Variants in TPO observed in about 807,000 individuals in gnomAD.
The protein encoded by TPO is thyroid microsomal antigen.
In TPO, 78 loss-of-function variants were observed where a neutral mutation model predicts 96.9. The observed-to-expected ratio is 0.81, with a 90% CI of 0.67 to 0.97. The LOEUF is 0.97. Ranked by LOEUF, TPO falls within the 50% of genes least tolerant of loss-of-function variation. The pLI, the probability that TPO is intolerant of heterozygous loss-of-function variation, is 0.00. For synonymous variants in TPO, 547 were observed against 538.0 expected (o/e 1.02, Z -0.23); for missense variants, 1,252 against 1,274.8 (o/e 0.98, Z 0.27).
chr2:1,471,065 T>C (rs1427959455), intron 7 of TPO, among the ~76,000 whole-genome samples: 1 of 152,250 alleles, frequency 6.6e-6, no homozygotes, highest in African/African-American at 2.4e-5. Context: ...TTTCCGATGC[T>C]GCACCTATTT....
chr2:1,540,671 A>G lies in TPO; in HGVS notation c.2696A>G (p.His899Arg), dbSNP rs1374618367. 1.9e-6 allele frequency: 3 copies of G among 1,613,394 alleles called. No individual in the cohort carries two copies. In the African/African-American group the frequency reaches 4.0e-5, roughly 22 times the overall value. The change falls in exon 16 of 17, where the codon CAC becomes CGC. Residue 899 changes from histidine to arginine, a missense_variant. Physicochemically the swap from His to Arg is conservative, Grantham distance 29. Transcript: ENST00000329066. The part of the protein sequence containing the change: ...GGTPELRCGK[H>R]QAVGTSPQRA... ...ACTCCCGAGCTGAGATGCGGAAAGC[A>G]CCAGGCCGTAGGGACCTCACCGCAG... is the stretch of plus-strand genomic sequence containing the variant.
chr2:1,402,453 AG>A (rs897075273), intron 1 of TPO, among the ~76,000 whole-genome samples: 3 of 152,280 alleles, frequency 2.0e-5, no homozygotes, highest in Non-Finnish European at 2.9e-5. Context: ...CACGGAGCCA[AG>A]GGGGGTGGGG....
intron 8 of TPO, among the ~76,000 whole-genome samples, chr2:1,482,317 G>T (rs375405183): frequency 1.1e-4 from 17 of 152,214 alleles, no homozygotes; most frequent in Non-Finnish European, 2.1e-4. Context: ...CCACTGGTGA[G>T]TTGTGAAGGC....
intron 10 of TPO, among the ~76,000 whole-genome samples, chr2:1,490,453 G>T (rs1671667339): frequency 6.8e-6 from 1 of 147,910 alleles, no homozygotes; most frequent in African/African-American, 2.5e-5. Flanking sequence ...ACACAGCAGT[G>T]TAAGAGCCGC....
At chr2:1,476,959 C>T in intron 7 of TPO, 127 bp from the exon 8 acceptor site, 1 of 1,236,638 alleles carries the variant, frequency 8.1e-7, no homozygotes, top group Non-Finnish European at 1.1e-6. Context: ...TGGACTGACC[C>T]CTACAGAGGA....
intron 3 of TPO, among the ~76,000 whole-genome samples, chr2:1,428,206 A>G (rs1227246472): frequency 1.3e-5 from 2 of 152,234 alleles, no homozygotes; most frequent in Non-Finnish European, 2.9e-5. Context: ...TTAAAGTAAC[A>G]TGCAGCCCTG....
At chr2:1,395,085 A>G (rs1285332475) in intron 1 of TPO, among the ~76,000 whole-genome samples, 1 of 152,096 alleles carries the variant, frequency 6.6e-6, no homozygotes. Flanking sequence ...CTTTTCCTCC[A>G]TTGCCTGTCA....
chr2:1,499,262 TC>T (rs1248568117), intron 13 of TPO, among the ~76,000 whole-genome samples: 1 of 152,040 alleles, frequency 6.6e-6, no homozygotes, highest in African/African-American at 2.4e-5. Flanking sequence ...CCTCTGACCT[TC>T]CGCCTGGGAC....
chr2:1,498,884 A>G lies in TPO; in HGVS notation c.2386+2119A>G, dbSNP rs576298967. Among the ~76,000 whole-genome samples the G allele has an allele frequency of 2.0e-5, 3 of 152,182 alleles. No individual in the cohort carries two copies. The East Asian group carries it at 5.8e-4, about 29-fold the overall frequency. On this transcript the variant is annotated intron_variant, in intron 13 of 16. Transcript: ENST00000329066. Reference sequence around the variant, plus strand: ...GAGACTGCACAAACTTGAAACGGCCACTTCACTCACGATTCCTGGTTTTCC... The same window carrying G: ...GAGACTGCACAAACTTGAAACGGCCGCTTCACTCACGATTCCTGGTTTTCC...
At chr2:1,378,542 G>A (rs1661756819) in intron 1 of TPO, among the ~76,000 whole-genome samples, 1 of 152,258 alleles carries the variant, frequency 6.6e-6, no homozygotes, top group South Asian at 2.1e-4. Flanking sequence ...TGTCCTGGGG[G>A]CTGTGAGTCA....
At chr2:1,423,179 C>A (rs1187907477) in intron 3 of TPO, 50 bp downstream of exon 3, 12 of 1,562,442 alleles carry the variant, frequency 7.7e-6, no homozygotes, top group Non-Finnish European at 1.1e-5. Flanking sequence ...ACAGGCGCAT[C>A]CTCCCTGACA....
At chr2:1,502,988 G>C (rs569710292) in intron 13 of TPO, among the ~76,000 whole-genome samples, 3 of 152,204 alleles carry the variant, frequency 2.0e-5, no homozygotes, top group African/African-American at 4.8e-5. Flanking sequence ...ACGGGTCTCC[G>C]GCACTGGGTC....
intron 7 of TPO, among the ~76,000 whole-genome samples, chr2:1,468,178 A>G (rs953927459): frequency 4.6e-5 from 7 of 151,994 alleles, no homozygotes; most frequent in Non-Finnish European, 7.4e-5. Flanking sequence ...TAGACCATTT[A>G]CATTCAATGT....
At chr2:1,398,620 C>G (rs1416222430) in intron 1 of TPO, among the ~76,000 whole-genome samples, 2 of 152,196 alleles carry the variant, frequency 1.3e-5, no homozygotes, top group East Asian at 3.9e-4. Flanking sequence ...CAGGGAGGGT[C>G]TGGACAAAAC....
intron 8 of TPO, among the ~76,000 whole-genome samples, chr2:1,481,280 C>G (rs1237242328): frequency 6.6e-6 from 1 of 152,204 alleles, no homozygotes; most frequent in African/African-American, 2.4e-5. Context: ...AAAGGAAACC[C>G]TTCCCAGCAC....
chr2:1,391,841 C>T (rs1662005310), intron 1 of TPO, among the ~76,000 whole-genome samples: 1 of 152,162 alleles, frequency 6.6e-6, no homozygotes, highest in African/African-American at 2.4e-5. Flanking sequence ...TACAGGAATG[C>T]TTGTGATTTT....
At chr2:1,520,597 T>C (rs1216287107) in intron 15 of TPO, among the ~76,000 whole-genome samples, 2 of 152,248 alleles carry the variant, frequency 1.3e-5, no homozygotes, top group African/African-American at 4.8e-5. Flanking sequence ...TGTTGATATA[T>C]TTTCACTGCA....
At chr2:1,461,182 C>T (rs1668394757) in intron 7 of TPO, among the ~76,000 whole-genome samples, 1 of 152,102 alleles carries the variant, frequency 6.6e-6, no homozygotes, top group South Asian at 2.1e-4. Flanking sequence ...GCCAGGGCAT[C>T]ATCCTGGGCA....
At chr2:1,434,655 C>T (rs999941900) in intron 4 of TPO, among the ~76,000 whole-genome samples, 1 of 152,180 alleles carries the variant, frequency 6.6e-6, no homozygotes, top group Non-Finnish European at 1.5e-5. Flanking sequence ...GCCACATGCT[C>T]ACTGCCGGGT....
Sources: allele counts gnomAD v4.1 joint callset (sites outside exome capture counted in the v4.1 genomes callset), GRCh38; gene constraint gnomAD v4.1.1; transcripts MANE v1.5; gene names NCBI Gene and HGNC (gene_info 2026-07-23, HGNC 2026-07-21).